CNTNAP4: variants seen among roughly 807,000 people sequenced by gnomAD.
The protein encoded by CNTNAP4 is contactin-associated protein-like 4.
Under a neutral mutation model 148.4 loss-of-function variants are expected in CNTNAP4, and 98 were observed. That is an observed-to-expected ratio of 0.66 (90% confidence interval 0.56 to 0.78). The LOEUF is 0.78. CNTNAP4 is among the 30% of genes least tolerant of loss of function. CNTNAP4 has a pLI of 0.00. For synonymous variants in CNTNAP4, 730 were observed against 565.1 expected (o/e 1.29, Z -4.14); for missense variants, 1,935 against 1,565.6 (o/e 1.24, Z -3.98).
chr16:76,362,712 A>T (rs530141580), intron 3 of CNTNAP4, among the ~76,000 whole-genome samples: 1 of 152,284 alleles, frequency 6.6e-6, no homozygotes, highest in African/African-American at 2.4e-5. Flanking sequence ...GTGCATATGG[A>T]GATAAAGAAG....
At chr16:76,434,705 G>A (rs940465898) in intron 4 of CNTNAP4, among the ~76,000 whole-genome samples, 6 of 152,162 alleles carry the variant, frequency 3.9e-5, no homozygotes, top group Non-Finnish European at 7.4e-5. Flanking sequence ...AGCTCTAAGG[G>A]CTTCCATTTG....
intron 2 of CNTNAP4, among the ~76,000 whole-genome samples, chr16:76,322,515 A>T (rs960873358): frequency 2.0e-5 from 3 of 152,218 alleles, no homozygotes; most frequent in African/African-American, 7.2e-5. Context: ...CTTGGGTCTT[A>T]ATCACTACTA....
chr16:76,361,290 C>T (rs2013410305), intron 3 of CNTNAP4, among the ~76,000 whole-genome samples: 1 of 152,052 alleles, frequency 6.6e-6, no homozygotes, highest in Admixed American at 6.6e-5. Flanking sequence ...TGAATGACAC[C>T]TCCTCATTTC....
chr16:76,467,420 C>G lies in CNTNAP4; in HGVS notation c.1552C>G (p.Leu518Val), dbSNP rs909946928. Residue 518 changes from leucine (L) to valine (V), a missense_variant, in exon 10 of 24, where the codon CTC becomes GTC. By Grantham distance (32) the Leu-to-Val change is conservative. Coordinates refer to ENST00000611870, the MANE Select transcript of CNTNAP4 (RefSeq NM_033401.5). ...TGGTGGATTTCAGGGATGTATGAGG[C>G]TCATTTCTATCAGCGGCAAAGTGGT... ...PLGGFQGCMR[L>V]ISISGKVVDL... 6.2e-7 allele frequency: 1 copy of G among 1,613,846 alleles called. No individual in the cohort carries two copies. Among genetic ancestry groups the G allele is most frequent in the Middle Eastern group, 1.6e-4 (1 of 6,062 alleles).
At chr16:76,300,626 T>C (rs924062027) in intron 1 of CNTNAP4, among the ~76,000 whole-genome samples, 2 of 152,244 alleles carry the variant, frequency 1.3e-5, no homozygotes, top group African/African-American at 4.8e-5. Flanking sequence ...ATTAAAATTC[T>C]CTGACCTTCA....
intron 2 of CNTNAP4, among the ~76,000 whole-genome samples, chr16:76,318,688 A>T (rs1001602935): frequency 2.1e-5 from 3 of 146,236 alleles, no homozygotes; most frequent in African/African-American, 7.4e-5. Flanking sequence ...TTCTCATAAT[A>T]TTTCTCATAA....
chr16:76,340,370 G>C (rs934983514), intron 2 of CNTNAP4, among the ~76,000 whole-genome samples: 3 of 152,020 alleles, frequency 2.0e-5, no homozygotes, highest in East Asian at 1.9e-4. Context: ...AATCACTCCA[G>C]GTTATCCTAA....
chr16:76,544,707 A>G (rs1445396948), intron 21 of CNTNAP4, among the ~76,000 whole-genome samples: 1 of 152,182 alleles, frequency 6.6e-6, no homozygotes, highest in African/African-American at 2.4e-5. Context: ...TATATGTTAG[A>G]TTAGTTTTAT....
intron 1 of CNTNAP4, among the ~76,000 whole-genome samples, chr16:76,283,606 G>T (rs1958772535): frequency 6.6e-6 from 1 of 151,928 alleles, no homozygotes; most frequent in Admixed American, 6.6e-5. Flanking sequence ...GGAGCTAAAT[G>T]ATGAGAACAC....
At chr16:76,444,157 C>A (rs183067358) in intron 4 of CNTNAP4, among the ~76,000 whole-genome samples, 5 of 151,994 alleles carry the variant, frequency 3.3e-5, no homozygotes, top group South Asian at 2.1e-4. Context: ...TAGGTAGATA[C>A]GCAAGAAGTT....
At chr16:76,468,990 G>A (rs1416857355) in intron 10 of CNTNAP4, among the ~76,000 whole-genome samples, 2 of 152,110 alleles carry the variant, frequency 1.3e-5, no homozygotes, top group Non-Finnish European at 2.9e-5. Flanking sequence ...TAAATTATGA[G>A]AATCAAAAGT....
intron 17 of CNTNAP4, among the ~76,000 whole-genome samples, chr16:76,534,637 A>G (rs1044042943): frequency 6.6e-6 from 1 of 152,212 alleles, no homozygotes; most frequent in African/African-American, 2.4e-5. Context: ...TCTAGTGATC[A>G]TCTGAATTAG....
At chr16:76,311,358 T>C (rs1230618940) in intron 1 of CNTNAP4, among the ~76,000 whole-genome samples, 1 of 152,088 alleles carries the variant, frequency 6.6e-6, no homozygotes, top group Admixed American at 6.6e-5. Context: ...TTAATGACAA[T>C]GGTAAGTTTT....
intron 3 of CNTNAP4, among the ~76,000 whole-genome samples, chr16:76,396,929 A>T (rs1257576941): frequency 6.6e-6 from 1 of 152,202 alleles, no homozygotes; most frequent in African/African-American, 2.4e-5. Flanking sequence ...ATACACAAGA[A>T]ACAACAAGAA....
chr16:76,477,324 C>T (rs143925793), intron 11 of CNTNAP4, among the ~76,000 whole-genome samples: 1 of 152,116 alleles, frequency 6.6e-6, no homozygotes, highest in African/African-American at 2.4e-5. Flanking sequence ...ATTTCCCCCC[C>T]ATTTTTTCCG....
In CNTNAP4 at chr16:76,443,262, C is replaced by G. The variant is rs1220621293; in HGVS notation, c.539-4750C>G. On this transcript the variant is annotated intron_variant, in intron 4 of 23. Coordinates refer to ENST00000611870, the MANE Select transcript of CNTNAP4 (RefSeq NM_033401.5). The stretch of plus-strand genomic sequence containing the variant: ...AAAAGTCTCCTCTTACATCTTTAGA[C>G]TGTAGGCCTTTTACTGTTACAAATT... Among the ~76,000 whole-genome samples the G allele has an allele frequency of 2.0e-5, 3 of 152,062 alleles. No individual in the cohort carries two copies. The East Asian group carries it at 5.8e-4, about 29-fold the overall frequency.
chr16:76,314,729 A>C (rs932856296), intron 1 of CNTNAP4, among the ~76,000 whole-genome samples: 4 of 152,062 alleles, frequency 2.6e-5, no homozygotes, highest in African/African-American at 9.7e-5. Context: ...CAGCCCAGCA[A>C]GTCTCAGCCT....
In CNTNAP4 at chr16:76,449,739, C is replaced by T. The variant is rs970009969; in HGVS notation, c.952C>T (p.Pro318Ser). The change falls in exon 7 of 24, where the codon CCT (proline) becomes TCT (serine). Residue 318 changes from proline to serine, a missense_variant. Transcript: ENST00000611870. The part of the protein sequence containing the change: ...YEISFGGIPA[P>S]GKSVSFPHRN... The stretch of plus-strand genomic sequence containing the variant: ...GATCAGCTTTGGAGGGATTCCAGCA[C>T]CTGGAAAATCAGTGTCATTCCCACA... 6 of 1,593,684 alleles carry T rather than the reference C, an allele frequency of 3.8e-6. No homozygotes were observed. The highest frequency in any genetic ancestry group is 2.3e-5 in the South Asian group (2 of 87,464).
chr16:76,280,508 A>G (rs985218530), intron 1 of CNTNAP4, among the ~76,000 whole-genome samples: 1 of 152,096 alleles, frequency 6.6e-6, no homozygotes, highest in Non-Finnish European at 1.5e-5. Flanking sequence ...GTGCTTGCAT[A>G]TTTTTGGTGG....
Sources: allele counts gnomAD v4.1 joint callset (sites outside exome capture counted in the v4.1 genomes callset), GRCh38; gene constraint gnomAD v4.1.1; transcripts MANE v1.5; gene names NCBI Gene and HGNC (gene_info 2026-07-23, HGNC 2026-07-21).